Variants in DNAH2 observed in about 807,000 individuals in gnomAD.
The protein encoded by DNAH2 is axonemal beta dynein heavy chain 2.
In DNAH2, 323 loss-of-function variants were observed where a neutral mutation model predicts 523.5. That is an observed-to-expected ratio of 0.62 (90% CI 0.56 to 0.68). DNAH2 has a LOEUF of 0.68. Among genes scored for constraint, DNAH2 ranks in the 30% least tolerant of loss-of-function variants. The pLI is 0.00. For missense variants in DNAH2, 4,907 were observed against 5,701.5 expected, an observed-to-expected ratio of 0.86 and a Z score of 4.49; for synonymous variants, 2,093 against 2,177.4, an observed-to-expected ratio of 0.96 and a Z score of 1.08.
In DNAH2 at chr17:7,780,798, A is replaced by G. The variant is rs1317925503; in HGVS notation, c.6003+16A>G. 2 of 1,614,018 alleles carry G rather than the reference A, an allele frequency of 1.2e-6. No homozygotes were observed. Among genetic ancestry groups the G allele is most frequent in the African/African-American group, 1.3e-5 (1 of 74,954 alleles). ...TGATGAAGAGGTAGAGCAAGGACACAGCCTTTGGACCTGACTTCCACTGTC... is the reference window on the plus strand; with the variant it reads ...TGATGAAGAGGTAGAGCAAGGACACGGCCTTTGGACCTGACTTCCACTGTC... On this transcript the variant is annotated intron_variant, in intron 38 of 85. Transcript: ENST00000572933. The surrounding 1 kb of genome is among the most constrained non-coding windows in gnomAD (Gnocchi z 4.4).
In DNAH2 at chr17:7,796,663, G is replaced by C. The variant is rs372450266; in HGVS notation, c.7863+11G>C. 5 of 1,605,688 alleles carry C rather than the reference G, an allele frequency of 3.1e-6. No individual in the cohort carries two copies. The African/African-American group carries it at 5.4e-5, about 17-fold the overall frequency. On this transcript the variant is annotated intron_variant, in intron 50 of 85. Coordinates refer to ENST00000572933, the MANE Select transcript of DNAH2 (RefSeq NM_020877.5). ...CGAGACATCTCCAAGGTGACTCGCG[G>C]CCTGACCTTGCCCCTTCTGCTTGGC...
rs1280429383 is a variant in DNAH2, at chr17:7,831,975, CAG to C, written c.12726+201_12726+202del. ...CAACTTATTAACTTACAGACTCACTCAGGGAAAATTACTAACCTCTCCAAGGA... is the reference window on the plus strand; with the variant it reads ...CAACTTATTAACTTACAGACTCACTCGGAAAATTACTAACCTCTCCAAGGA... On this transcript the variant is annotated intron_variant, in intron 82 of 85. Coordinates refer to ENST00000572933, the MANE Select transcript of DNAH2 (RefSeq NM_020877.5). This position sits in a 1 kb window ranked among gnomAD's most constrained non-coding sequence, Gnocchi z 4.2. Among the ~76,000 whole-genome samples, 1 of 152,208 alleles carries C rather than the reference CAG, an allele frequency of 6.6e-6. No homozygotes were observed. Among genetic ancestry groups the C allele is most frequent in the Non-Finnish European group, 1.5e-5 (1 of 68,040 alleles).
At chr17:7,802,579 T>G (rs1194996603) in intron 58 of DNAH2, among the ~76,000 whole-genome samples, 1 of 152,216 alleles carries the variant, frequency 6.6e-6, no homozygotes, top group African/African-American at 2.4e-5. Context: ...GTAAATGCTA[T>G]GTAAATAGTT....
chr17:7,786,722 G>A lies in DNAH2; in HGVS notation c.6466+35G>A, dbSNP rs202094080. The A allele has an allele frequency of 2.7e-5, 43 of 1,605,318 alleles. No homozygotes were observed. Among genetic ancestry groups the A allele is most frequent in the Non-Finnish European group, 3.3e-5 (39 of 1,172,808 alleles). ...GGATCGTGGGGTGTGGAGAGCAGAC[G>A]CCTGAGTCTCCTAAGGGGGCAGGGA... On this transcript the variant is annotated intron_variant, in intron 41 of 85. Transcript: ENST00000572933. This position sits in a 1 kb window ranked among gnomAD's most constrained non-coding sequence, Gnocchi z 7.5.
intron 12 of DNAH2, among the ~76,000 whole-genome samples, chr17:7,745,116 T>A (rs2075478865): frequency 6.6e-6 from 1 of 152,012 alleles, no homozygotes; most frequent in South Asian, 2.1e-4. Context: ...TGCCTCAGCC[T>A]CCCGAGTATC....
rs1049158011 is a variant in DNAH2, at chr17:7,823,626, C to G, written c.11327C>G (p.Pro3776Arg). The change falls in exon 74 of 86, where the codon CCA becomes CGA. Residue 3776 changes from proline to arginine, a missense_variant and splice_region_variant. Transcript: ENST00000572933. ...GCTGCCCCGGAGAAGGCGATGCTGCCAGGTACCAGGCGTCTGTGTCCCACT... is the reference window on the plus strand; with the variant it reads ...GCTGCCCCGGAGAAGGCGATGCTGCGAGGTACCAGGCGTCTGTGTCCCACT... The part of the protein sequence containing the change: ...TNAAPEKAML[P>R]GEWENACNEM... The G allele has an allele frequency of 2.5e-6, 4 of 1,613,542 alleles. No individual in the cohort carries two copies. Among genetic ancestry groups the G allele is most frequent in the Non-Finnish European group, 3.4e-6 (4 of 1,179,822 alleles).
chr17:7,734,436 A>G (rs771925130), intron 6 of DNAH2, 34 bp from the exon 7 acceptor site: 4 of 1,609,874 alleles, frequency 2.5e-6, no homozygotes, highest in South Asian at 1.1e-5. Flanking sequence ...AGCAGTGTGA[A>G]GAAACGAAGG....
At position 7,757,124 on chromosome 17, in the gene DNAH2, C is replaced by T. The variant is rs1257819461; in HGVS notation, c.1938C>T (p.Tyr646=). The change falls in exon 13 of 86, where the codon TAC becomes TAT. Residue 646 remains tyrosine (Y), a synonymous_variant. Coordinates refer to ENST00000572933, the MANE Select transcript of DNAH2 (RefSeq NM_020877.5). ...TGATTCTCTTTGCGGAAATTGACTA[C>T]TGGGAGCGGCTGCTGTTTGAGACGC... ...SLLILFAEID[Y]WERLLFETPH... 1 of 1,614,178 alleles carries T rather than the reference C, an allele frequency of 6.2e-7. No individual in the cohort carries two copies. Among genetic ancestry groups the T allele is most frequent in the Non-Finnish European group, 8.5e-7 (1 of 1,180,020 alleles).
In DNAH2 at chr17:7,777,554, T is replaced by C. The variant is rs1159591403; in HGVS notation, c.5167T>C (p.Leu1723=). The change falls in exon 33 of 86, where the codon TTG becomes CTG. Residue 1723 remains leucine (L), a synonymous_variant. Transcript: ENST00000572933. The part of the protein sequence containing the change: ...VTIEIHARDV[L]EKLYKSGLMD... ...GATAGAAATTCATGCCCGGGATGTG[T>C]TGGAGAAGCTTTACAAGAGTGGCCT... is the stretch of plus-strand genomic sequence containing the variant. The C allele has an allele frequency of 3.1e-6, 5 of 1,614,038 alleles. No homozygotes were observed. The highest frequency in any genetic ancestry group is 2.7e-5 in the African/African-American group (2 of 74,902).
intron 12 of DNAH2, among the ~76,000 whole-genome samples, chr17:7,748,369 C>A (rs779249454): frequency 4.7e-4 from 71 of 152,180 alleles, no homozygotes; most frequent in Non-Finnish European, 7.9e-4. Context: ...CTTTTCCCCC[C>A]GGGTCAGCCC....
chr17:7,730,891 G>T (rs375746797), intron 4 of DNAH2, among the ~76,000 whole-genome samples: 13 of 152,094 alleles, frequency 8.5e-5, no homozygotes, highest in East Asian at 7.7e-4. Context: ...AAGGCGGGTG[G>T]ATTGCCTGAG....
At position 7,795,670 on chromosome 17, in the gene DNAH2, TTA is replaced by T. The variant is rs138758219; in HGVS notation, c.7675-782_7675-781del. Among the ~76,000 whole-genome samples, 4 of 145,294 alleles carry T rather than the reference TTA, an allele frequency of 2.8e-5. No homozygotes were observed. The East Asian group carries it at 5.9e-4, about 21-fold the overall frequency. On this transcript the variant is annotated intron_variant, in intron 49 of 85. Transcript: ENST00000572933. The stretch of plus-strand genomic sequence containing the variant: ...GCTTGAATATATATATATATAATAT[TTA>T]TATATATATATTTATTTTATATACA...
In DNAH2 at chr17:7,807,559, C is replaced by T. The variant is rs145546851; in HGVS notation, c.9702C>T (p.Leu3234=). The T allele has an allele frequency of 9.3e-6, 15 of 1,612,356 alleles. No individual in the cohort carries two copies. Among genetic ancestry groups the T allele is most frequent in the African/African-American group, 2.7e-5 (2 of 74,926 alleles). Residue 3234 remains leucine (L), a synonymous_variant, in exon 63 of 86, where the codon CTC becomes CTT. Transcript: ENST00000572933. The surrounding 1 kb of genome is among the most constrained non-coding windows in gnomAD (Gnocchi z 5.6). Reference sequence around the variant, plus strand: ...AGCTTCGGGAGAAGCAAGCCGCGCTCGCTGAGGCCCAGGAGAAGCTGCGGG... The same window carrying T: ...AGCTTCGGGAGAAGCAAGCCGCGCTTGCTGAGGCCCAGGAGAAGCTGCGGG... The part of the protein sequence containing the change: ...LAQLREKQAA[L]AEAQEKLREV...
intron 12 of DNAH2, among the ~76,000 whole-genome samples, chr17:7,748,838 T>A (rs1352450739): frequency 6.6e-6 from 1 of 151,842 alleles, no homozygotes; most frequent in Non-Finnish European, 1.5e-5. Context: ...AAAACTGATA[T>A]TTGTCAATGA....
At position 7,798,845 on chromosome 17, in the gene DNAH2, G is replaced by A; in HGVS notation, c.8559+127G>A. 7.6e-7 allele frequency: 1 copy of A among 1,323,414 alleles called. No individual in the cohort carries two copies. The highest frequency in any genetic ancestry group is 1.0e-6 in the Non-Finnish European group (1 of 965,250). 82.0% of individuals were successfully genotyped at this position (1,323,414 alleles called of 1,614,324 possible). ...TGCCACACCCCCACTGCCCACCTCA[G>A]CCCTGTAAGGTGGAAGGTCCCCTCC... On this transcript the variant is annotated intron_variant, in intron 55 of 85. Coordinates refer to ENST00000572933, the MANE Select transcript of DNAH2 (RefSeq NM_020877.5). This position sits in a 1 kb window ranked among gnomAD's most constrained non-coding sequence, Gnocchi z 5.5.
chr17:7,830,801 T>C lies in DNAH2; in HGVS notation c.12189T>C (p.Asn4063=), dbSNP rs1209305277. The C allele has an allele frequency of 1.2e-6, 2 of 1,614,008 alleles. No homozygotes were observed. Among genetic ancestry groups the C allele is most frequent in the Non-Finnish European group, 8.5e-7 (1 of 1,180,024 alleles). The change falls in exon 79 of 86, where the codon AAT becomes AAC. Residue 4063 remains asparagine, a synonymous_variant. Coordinates refer to ENST00000572933, the MANE Select transcript of DNAH2 (RefSeq NM_020877.5). ...GGCGCCTGCTGACCACCTACATCAA[T>C]GATTATTTCTGTGACCAGTCTCTAT... The part of the protein sequence containing the change: ...WDRRLLTTYI[N]DYFCDQSLST...
Position 7,786,574 on chromosome 17 carries a change from T to C in DNAH2, c.6353T>C (p.Phe2118Ser). The C allele has an allele frequency of 1.2e-6, 2 of 1,613,342 alleles. No individual in the cohort carries two copies. Among genetic ancestry groups the C allele is most frequent in the Non-Finnish European group, 1.7e-6 (2 of 1,179,704 alleles). Residue 2118 changes from phenylalanine (F) to serine (S), a missense_variant, in exon 41 of 86, where the codon TTC becomes TCC. Coordinates refer to ENST00000572933, the MANE Select transcript of DNAH2 (RefSeq NM_020877.5). The surrounding 1 kb of genome is among the most constrained non-coding windows in gnomAD (Gnocchi z 7.5). ...GDPNFNIVRE[F>S]PLNPKALSLG... Reference sequence around the variant, plus strand: ...CCCTTCCGGTGTCATTTTCAGGAGTTCCCTTTGAACCCCAAGGCATTGTCC... The same window carrying C: ...CCCTTCCGGTGTCATTTTCAGGAGTCCCCTTTGAACCCCAAGGCATTGTCC...
In DNAH2 at chr17:7,807,692, G is replaced by A. The variant is rs2077405204; in HGVS notation, c.9729+106G>A. On this transcript the variant is annotated intron_variant, in intron 63 of 85. Coordinates refer to ENST00000572933, the MANE Select transcript of DNAH2 (RefSeq NM_020877.5). The surrounding 1 kb of genome is among the most constrained non-coding windows in gnomAD (Gnocchi z 5.6). Reference sequence around the variant, plus strand: ...ATCTAATTCTAGCCCCCTTCCCCATGTCCTGTGCCATTCCAGTCCTGTCTC... The same window carrying A: ...ATCTAATTCTAGCCCCCTTCCCCATATCCTGTGCCATTCCAGTCCTGTCTC... 4.1e-6 allele frequency: 4 copies of A among 985,762 alleles called. No homozygotes were observed. In the Admixed American group the frequency reaches 5.9e-5, roughly 15 times the overall value. The allele number at this position is 985,762 out of a possible 1,614,324, so 61.1% of individuals were successfully genotyped here.
rs749092195 is a variant in DNAH2 at position 7,786,308 on chromosome 17, G to A, written c.6314G>A (p.Cys2105Tyr). Residue 2105 changes from cysteine to tyrosine, a missense_variant, in exon 40 of 86, where the codon TGC becomes TAC. Physicochemically the swap from Cys to Tyr is radical, Grantham distance 194. Coordinates refer to ENST00000572933, the MANE Select transcript of DNAH2 (RefSeq NM_020877.5). This position sits in a 1 kb window ranked among gnomAD's most constrained non-coding sequence, Gnocchi z 7.5. ...RILQASLSSL[C>Y]RAGDPNFNIV... ...CTACAGGCCTCCCTGTCCTCTCTGT[G>A]CCGCGCCGGAGACCCTAACTTCAAC... 6.2e-7 allele frequency: 1 copy of A among 1,613,568 alleles called. No homozygotes were observed. Among genetic ancestry groups the A allele is most frequent in the Admixed American group, 1.7e-5 (1 of 59,998 alleles).
Sources: gnomAD v4.1 joint callset for allele counts (sites outside exome capture counted in the v4.1 genomes callset) on GRCh38, gnomAD v4.1.1 for gene constraint, Gnocchi (gnomAD v3.1) non-coding constraint, MANE v1.5 for transcripts, NCBI Gene and HGNC (gene_info 2026-07-23, HGNC 2026-07-21) for gene names.